Variants in DHX32 observed in about 807,000 individuals in gnomAD.
DHX32 encodes putative pre-mRNA-splicing factor ATP-dependent RNA helicase DHX32.
Under a neutral mutation model 70.0 loss-of-function variants are expected in DHX32, and 51 were observed. The observed-to-expected ratio is 0.73, with a 90% CI of 0.58 to 0.92. The LOEUF (loss-of-function observed/expected upper bound fraction) is 0.92, where lower values mean the gene tolerates loss of function less well. DHX32 is among the 40% of genes least tolerant of loss of function. The pLI, the probability that DHX32 is intolerant of heterozygous loss-of-function variation, is 0.00. For synonymous variants in DHX32, 310 were observed against 315.3 expected (o/e 0.98, Z 0.18); for missense variants, 762 against 891.8 (o/e 0.85, Z 1.85).
intron 4 of DHX32, 163 bp downstream of exon 4, chr10:125,853,798 G>T: frequency 1.3e-6 from 1 of 743,298 alleles, no homozygotes; most frequent in Non-Finnish European, 2.1e-6. Flanking sequence ...CAAGACTTTT[G>T]TTACTGGCTG....
intron 6 of DHX32, among the ~76,000 whole-genome samples, chr10:125,848,269 G>T (rs141825439): frequency 2.0e-3 from 304 of 152,240 alleles, no homozygotes; most frequent in African/African-American, 7.0e-3. Context: ...GGGAGGAAAG[G>T]CTTCTGCTTC....
chr10:125,863,028 TTTAAA>T (rs1427734255), intron 2 of DHX32, among the ~76,000 whole-genome samples: 47 of 152,114 alleles, frequency 3.1e-4, no homozygotes, highest in African/African-American at 1.0e-3. Flanking sequence ...AGTTTATATC[TTTAAA>T]TTAAGGCTAA....
chr10:125,880,328 T>C (rs1279852370), intron 1 of DHX32, among the ~76,000 whole-genome samples: 1 of 152,226 alleles, frequency 6.6e-6, no homozygotes, highest in African/African-American at 2.4e-5. Context: ...AGTGGTACCC[T>C]AAACACAATT....
At chr10:125,876,139 A>C (rs1165859862) in intron 1 of DHX32, among the ~76,000 whole-genome samples, 1 of 152,212 alleles carries the variant, frequency 6.6e-6, no homozygotes, top group South Asian at 2.1e-4. Context: ...GACTCAGCAC[A>C]TGAGGACTGT....
chr10:125,896,470 G>C (rs1944531995), upstream of DHX32: 5 of 1,143,588 alleles, frequency 4.4e-6, no homozygotes, highest in Admixed American at 4.2e-5. Flanking sequence ...GCGACGCGCG[G>C]GTCCTCACGC....
At chr10:125,851,057 G>T (rs1944083455) in intron 6 of DHX32, among the ~76,000 whole-genome samples, 2 of 152,274 alleles carry the variant, frequency 1.3e-5, no homozygotes, top group Admixed American at 1.3e-4. Context: ...TTAAAAAGAG[G>T]TCCAGATCAG....
chr10:125,878,818 C>A (rs559396892), intron 1 of DHX32, among the ~76,000 whole-genome samples: 1 of 151,598 alleles, frequency 6.6e-6, no homozygotes, highest in Non-Finnish European at 1.5e-5. Flanking sequence ...AAGTGATTCT[C>A]CTGCCTCAGC....
rs1854789338 is a variant in DHX32 at position 125,839,065 on chromosome 10, G to T, written c.1817C>A (p.Ala606Asp). ...KRIELPYAEPAFGSKENTLNI... is the reference protein window; with the variant it reads ...KRIELPYAEPDFGSKENTLNI... ...TAGAGTGTTTTCCTTGGAGCCAAAA[G>T]CAGGTTCTGCATAGGGAAGCTCGAT... Residue 606 changes from alanine (A) to aspartate (D), a missense_variant, in exon 9 of 11, where the codon GCT (alanine) becomes GAT (aspartate). By Grantham distance (126) the Ala-to-Asp change is moderately radical. Transcript: ENST00000284690. 1 of 1,614,210 alleles carries T rather than the reference G, an allele frequency of 6.2e-7. No individual in the cohort carries two copies. Among genetic ancestry groups the T allele is most frequent in the Non-Finnish European group, 8.5e-7 (1 of 1,180,034 alleles).
chr10:125,882,526 T>C (rs1255184560), upstream of DHX32, among the ~76,000 whole-genome samples: 1 of 152,182 alleles, frequency 6.6e-6, no homozygotes, highest in Non-Finnish European at 1.5e-5. Context: ...AAAGGATATT[T>C]TGAAGATGGC....
intron 1 of DHX32, among the ~76,000 whole-genome samples, chr10:125,886,581 G>A (rs534176315): frequency 1.3e-5 from 2 of 152,338 alleles, no homozygotes; most frequent in South Asian, 2.1e-4. Flanking sequence ...TGACTTTTTT[G>A]TTCCCTTCTG....
rs1452646650 is a variant in DHX32 at position 125,855,053 on chromosome 10, G to C, written c.850-850C>G. 2.0e-5 allele frequency among the ~76,000 whole-genome samples: 3 copies of C among 151,866 alleles called. No individual in the cohort carries two copies. In the East Asian group the frequency reaches 5.9e-4, roughly 30 times the overall value. On this transcript the variant is annotated intron_variant, in intron 3 of 10. Transcript: ENST00000284690. The stretch of plus-strand genomic sequence containing the variant: ...ATCCTGGCCAACATGGTGAAACCCT[G>C]TCTACTAAAAATACAAAAATTAGCT...
At chr10:125,879,879 AAT>A (rs1944307144) in intron 1 of DHX32, among the ~76,000 whole-genome samples, 4 of 152,162 alleles carry the variant, frequency 2.6e-5, no homozygotes, top group Admixed American at 2.0e-4. Context: ...CCTGGGCTCA[AAT>A]GATCTGTCCA....
chr10:125,857,353 C>G (rs1589711523), intron 3 of DHX32, among the ~76,000 whole-genome samples: 1 of 152,302 alleles, frequency 6.6e-6, no homozygotes, highest in East Asian at 1.9e-4. Flanking sequence ...CTGCTGAAGC[C>G]AGCCCAATGT....
chr10:125,895,095 T>C (rs1488686030), intron 1 of DHX32, among the ~76,000 whole-genome samples: 1 of 152,306 alleles, frequency 6.6e-6, no homozygotes, highest in Admixed American at 6.5e-5. Flanking sequence ...TTTTGACAAT[T>C]AATCTGAAAA....
At chr10:125,888,816 T>C (rs542428967) in intron 1 of DHX32, among the ~76,000 whole-genome samples, 15 of 152,412 alleles carry the variant, frequency 9.8e-5, no homozygotes, top group African/African-American at 3.1e-4. Flanking sequence ...CCCCAGAACT[T>C]TGGGAGGCCA....
At chr10:125,843,591 G>A (rs992028570) in intron 6 of DHX32, among the ~76,000 whole-genome samples, 11 of 151,390 alleles carry the variant, frequency 7.3e-5, no homozygotes, top group East Asian at 1.9e-4. Flanking sequence ...CAGCCTGGGC[G>A]ACAGAGCGAG....
upstream of DHX32, chr10:125,881,388 T>C (rs1263204044): frequency 6.6e-6 from 1 of 152,456 alleles, no homozygotes; most frequent in Non-Finnish European, 1.5e-5. Context: ...ATTGTGATTG[T>C]GAGGCTAATC....
intron 6 of DHX32, among the ~76,000 whole-genome samples, chr10:125,845,998 G>A (rs1315181960): frequency 6.6e-6 from 1 of 152,224 alleles, no homozygotes; most frequent in East Asian, 1.9e-4. Context: ...CCACCGCCCA[G>A]GCCTCAGAAA....
intron 7 of DHX32, chr10:125,841,389 G>A (rs1564822766): frequency 6.2e-7 from 1 of 1,608,388 alleles, no homozygotes; most frequent in South Asian, 1.1e-5. Context: ...GATGAATGAA[G>A]CCAATAGGAA....
Sources: gnomAD v4.1 joint callset for allele counts (sites outside exome capture counted in the v4.1 genomes callset) on GRCh38, gnomAD v4.1.1 for gene constraint, MANE v1.5 for transcripts, NCBI Gene and HGNC (gene_info 2026-07-23, HGNC 2026-07-21) for gene names.